The following JAZF1 variants were observed in gnomAD, a reference collection of about 807,000 sequenced individuals.
JAZF1 encodes JAZF zinc finger 1.
A neutral mutation model predicts 26.4 loss-of-function variants in JAZF1; 8 were observed. That is an observed-to-expected ratio of 0.30 (90% CI 0.18 to 0.55). JAZF1 has a LOEUF of 0.55. JAZF1 is among the 20% of genes least tolerant of loss of function. The pLI, the probability that JAZF1 is intolerant of heterozygous loss-of-function variation, is 0.94. For missense variants in JAZF1, 199 were observed against 322.0 expected (o/e 0.62, Z 2.92); for synonymous variants, 126 against 122.3 (o/e 1.03, Z -0.20).
intron 2 of JAZF1, among the ~76,000 whole-genome samples, chr7:27,923,018 G>C (rs1784557031): frequency 6.6e-6 from 1 of 152,254 alleles, no homozygotes; most frequent in Non-Finnish European, 1.5e-5. Context: ...CCCGAAGGGA[G>C]TTATGAGGAG....
chr7:27,966,896 C>A (rs1785285885), intron 2 of JAZF1, among the ~76,000 whole-genome samples: 1 of 152,014 alleles, frequency 6.6e-6, no homozygotes, highest in South Asian at 2.1e-4. Context: ...TTTAACTTTC[C>A]AGCTGCTTCA....
intron 3 of JAZF1, among the ~76,000 whole-genome samples, chr7:27,893,689 T>C (rs1474303079): frequency 6.6e-6 from 1 of 152,210 alleles, no homozygotes; most frequent in Non-Finnish European, 1.5e-5. Context: ...GGGTTATATT[T>C]ATTTGCGTAT....
At chr7:27,862,322 A>G (rs1485980958) in intron 3 of JAZF1, among the ~76,000 whole-genome samples, 1 of 152,052 alleles carries the variant, frequency 6.6e-6, no homozygotes, top group East Asian at 1.9e-4. Flanking sequence ...GGGCATGGTA[A>G]TCAATAGTTA....
At chr7:28,172,874 C>G (rs1783492893) in intron 1 of JAZF1, among the ~76,000 whole-genome samples, 1 of 152,118 alleles carries the variant, frequency 6.6e-6, no homozygotes, top group Non-Finnish European at 1.5e-5. Flanking sequence ...CCCACTAAAC[C>G]CAAACAAAAT....
intron 1 of JAZF1, among the ~76,000 whole-genome samples, chr7:28,004,287 A>G (rs911950633): frequency 2.0e-5 from 3 of 152,100 alleles, no homozygotes; most frequent in African/African-American, 4.8e-5. Flanking sequence ...CCTGACGCCT[A>G]TGATCCCATC....
At chr7:28,060,554 A>G (rs1783782119) in intron 1 of JAZF1, among the ~76,000 whole-genome samples, 1 of 152,210 alleles carries the variant, frequency 6.6e-6, no homozygotes, top group Non-Finnish European at 1.5e-5. Context: ...AGCTAGTGTG[A>G]ATTTCAGCTG....
chr7:28,089,919 C>T (rs756755305), intron 1 of JAZF1, among the ~76,000 whole-genome samples: 63 of 152,058 alleles, frequency 4.1e-4, no homozygotes, highest in Non-Finnish European at 1.0e-4. Context: ...TAGTAAAATA[C>T]AAGATGAGAG....
At chr7:27,955,070 T>C (rs1321130186) in intron 2 of JAZF1, among the ~76,000 whole-genome samples, 3 of 152,234 alleles carry the variant, frequency 2.0e-5, no homozygotes, top group Non-Finnish European at 4.4e-5. Context: ...GACTTCTTTC[T>C]AATTGACGTC....
chr7:28,115,624 T>C (rs1784729596), intron 1 of JAZF1, among the ~76,000 whole-genome samples: 1 of 152,214 alleles, frequency 6.6e-6, no homozygotes, highest in Non-Finnish European at 1.5e-5. Flanking sequence ...TGTAAAGACA[T>C]GTAACTTATT....
chr7:28,091,591 G>T (rs1276587723), intron 1 of JAZF1, among the ~76,000 whole-genome samples: 1 of 148,066 alleles, frequency 6.8e-6, no homozygotes, highest in Non-Finnish European at 1.5e-5. Context: ...TTCAATGTAA[G>T]TTAAATATAC....
chr7:28,139,345 C>T (rs1044738109), intron 1 of JAZF1, among the ~76,000 whole-genome samples: 2 of 152,218 alleles, frequency 1.3e-5, no homozygotes, highest in Non-Finnish European at 1.5e-5. Context: ...CACTGAAGTT[C>T]TAACCCCTGG....
At chr7:28,096,073 G>A (rs569095684) in intron 1 of JAZF1, among the ~76,000 whole-genome samples, 2 of 152,100 alleles carry the variant, frequency 1.3e-5, no homozygotes, top group Non-Finnish European at 2.9e-5. Context: ...AATTTGGGGG[G>A]GGCACAAACA....
At chr7:27,909,843 T>A (rs1426259035) in intron 2 of JAZF1, among the ~76,000 whole-genome samples, 1 of 152,244 alleles carries the variant, frequency 6.6e-6, no homozygotes, top group Non-Finnish European at 1.5e-5. Context: ...ATATTTTTCA[T>A]CTTGTGTTCA....
chr7:28,021,333 G>A (rs1293167314), intron 1 of JAZF1, among the ~76,000 whole-genome samples: 2 of 152,146 alleles, frequency 1.3e-5, no homozygotes, highest in South Asian at 4.1e-4. Flanking sequence ...CAGGATTTAC[G>A]CCCAGGCCCA....
chr7:27,989,176 C>T (rs1181433426), intron 2 of JAZF1, among the ~76,000 whole-genome samples: 1 of 152,138 alleles, frequency 6.6e-6, no homozygotes, highest in Non-Finnish European at 1.5e-5. Context: ...CTGACAAATA[C>T]AAGAAATGGG....
chr7:27,891,076 G>A lies in JAZF1; in HGVS notation c.385+4144C>T, dbSNP rs111346549. On this transcript the variant is annotated intron_variant, in intron 3 of 4. Transcript: ENST00000283928. ...AAGTGCTGGGATTACAGGCGTGAGC[G>A]ACCGTGCCTGGCCCATGTTACTACT... Among the ~76,000 whole-genome samples the A allele has an allele frequency of 5.1e-3, 777 of 152,158 alleles. 1 individual carries two copies. Among genetic ancestry groups the A allele is most frequent in the Non-Finnish European group, 7.9e-3 (539 of 67,952 alleles).
intron 3 of JAZF1, among the ~76,000 whole-genome samples, chr7:27,851,958 TG>T (rs1335012131): frequency 6.6e-6 from 1 of 151,706 alleles, no homozygotes; most frequent in African/African-American, 2.4e-5. Flanking sequence ...CACTGATGCC[TG>T]GGGGTTCTGA....
At position 27,831,788 on chromosome 7, in the gene JAZF1, T is replaced by C. The variant is rs1782707801; in HGVS notation, c.*1012A>G. ...CTTTGAAACGTGCTTAGAATTTTAG[T>C]TCTGATTTGCAACCCACAGGTTTGG... On this transcript the variant is annotated 3_prime_UTR_variant, in exon 5 of 5. Coordinates refer to ENST00000283928, the MANE Select transcript of JAZF1 (RefSeq NM_175061.4). The C allele has an allele frequency of 4.5e-6, 1 of 221,804 alleles. No homozygotes were observed. Among genetic ancestry groups the C allele is most frequent in the South Asian group, 1.8e-4 (1 of 5,418 alleles). The allele number at this position is 221,804 out of a possible 1,614,324, so 13.7% of individuals were successfully genotyped here.
chr7:27,898,581 G>A (rs895948277), intron 2 of JAZF1, among the ~76,000 whole-genome samples: 2 of 151,946 alleles, frequency 1.3e-5, no homozygotes, highest in Non-Finnish European at 2.9e-5. Flanking sequence ...TGGGATTACA[G>A]AACTCATACC....
Sources: gnomAD v4.1 joint callset for allele counts (sites outside exome capture counted in the v4.1 genomes callset) on GRCh38, gnomAD v4.1.1 for gene constraint, MANE v1.5 for transcripts, NCBI Gene and HGNC (gene_info 2026-07-23, HGNC 2026-07-21) for gene names.